The following PRKN variants were observed in gnomAD, a reference collection of about 807,000 sequenced individuals.
The protein encoded by PRKN is E3 ubiquitin-protein ligase parkin.
A neutral mutation model predicts 59.5 loss-of-function variants in PRKN; 56 were observed. The ratio of observed to expected loss-of-function variants is 0.94; its 90% CI spans 0.76 to 1.18. The LOEUF (loss-of-function observed/expected upper bound fraction) is 1.18, where lower values mean the gene tolerates loss of function less well. Ranked by LOEUF, PRKN falls within the 50% of genes most tolerant of loss-of-function variation. PRKN has a pLI of 0.00. For synonymous variants in PRKN, 250 were observed against 222.1 expected (o/e 1.13, Z -1.12); for missense variants, 657 against 596.4 (o/e 1.10, Z -1.06).
At chr6:161,801,504 G>A (rs942056942) in intron 6 of PRKN, among the ~76,000 whole-genome samples, 10 of 152,140 alleles carry the variant, frequency 6.6e-5, no homozygotes, top group South Asian at 2.1e-4. Context: ...ATTTGATTAC[G>A]GGGCTTTAAC....
chr6:162,361,394 T>C (rs1200844897), intron 2 of PRKN, among the ~76,000 whole-genome samples: 1 of 152,046 alleles, frequency 6.6e-6, no homozygotes, highest in Non-Finnish European at 1.5e-5. Flanking sequence ...ATTGGAAAGC[T>C]TGATAAGATG....
At chr6:162,646,071 A>G (rs1023601101) in intron 1 of PRKN, among the ~76,000 whole-genome samples, 4 of 151,408 alleles carry the variant, frequency 2.6e-5, no homozygotes, top group African/African-American at 9.7e-5. Flanking sequence ...AGACGGTTTC[A>G]CCGTGTTAGC....
At chr6:161,757,943 G>GTATA (rs1261358549) in intron 7 of PRKN, among the ~76,000 whole-genome samples, 1 of 96,180 alleles carries the variant, frequency 1.0e-5, no homozygotes, top group African/African-American at 3.9e-5. Flanking sequence ...GTATATATAT[G>GTATA]TATATATATA....
At chr6:161,712,583 GT>G (rs574932500) in intron 7 of PRKN, among the ~76,000 whole-genome samples, 76 of 152,090 alleles carry the variant, frequency 5.0e-4, no homozygotes, top group African/African-American at 1.5e-3. Context: ...TCTAAAATTT[GT>G]TTTTATTTTG....
chr6:161,683,433 G>A (rs1785444086), intron 7 of PRKN, among the ~76,000 whole-genome samples: 1 of 152,242 alleles, frequency 6.6e-6, no homozygotes, highest in South Asian at 2.1e-4. Context: ...AGTGGCAAGA[G>A]CTAGGCATCT....
intron 6 of PRKN, among the ~76,000 whole-genome samples, chr6:161,961,889 A>G (rs920869567): frequency 2.6e-5 from 4 of 152,176 alleles, no homozygotes; most frequent in East Asian, 3.8e-4. Context: ...GAATGCTGGT[A>G]TATCTGTGTA....
At chr6:161,621,007 C>G (rs1350410034) in intron 7 of PRKN, among the ~76,000 whole-genome samples, 2 of 152,108 alleles carry the variant, frequency 1.3e-5, no homozygotes, top group African/African-American at 2.4e-5. Flanking sequence ...TCCTGTCCAC[C>G]TTTATGTTCG....
chr6:161,652,378 C>A (rs1017452444), intron 7 of PRKN, among the ~76,000 whole-genome samples: 1 of 151,730 alleles, frequency 6.6e-6, no homozygotes, highest in African/African-American at 2.4e-5. Context: ...ATTTAAAGCC[C>A]TTGTGGGGAA....
At chr6:162,035,553 C>A (rs1003887660) in intron 5 of PRKN, among the ~76,000 whole-genome samples, 1 of 152,118 alleles carries the variant, frequency 6.6e-6, no homozygotes, top group Non-Finnish European at 1.5e-5. Flanking sequence ...TATTTTCAAA[C>A]TTCATAAAAA....
At chr6:161,437,392 C>T (rs1453845318) in intron 9 of PRKN, among the ~76,000 whole-genome samples, 1 of 152,172 alleles carries the variant, frequency 6.6e-6, no homozygotes, top group East Asian at 1.9e-4. Context: ...CAACTCAGAA[C>T]AGTGAGCAAT....
At chr6:162,682,129 A>C (rs1481460300) in intron 1 of PRKN, among the ~76,000 whole-genome samples, 1 of 152,142 alleles carries the variant, frequency 6.6e-6, no homozygotes, top group Non-Finnish European at 1.5e-5. Context: ...AGATTTTCAA[A>C]AACAATCCTA....
chr6:162,677,122 A>C (rs922227778), intron 1 of PRKN, among the ~76,000 whole-genome samples: 16 of 151,880 alleles, frequency 1.1e-4, no homozygotes. Flanking sequence ...AAATGCTGGA[A>C]AAAAAACACT....
At chr6:161,812,338 C>T (rs1396822716) in intron 6 of PRKN, among the ~76,000 whole-genome samples, 1 of 152,054 alleles carries the variant, frequency 6.6e-6, no homozygotes, top group Non-Finnish European at 1.5e-5. Flanking sequence ...TTTGAGGCTG[C>T]AGATTACGGC....
chr6:161,948,375 AAT>A (rs1779860310), intron 6 of PRKN, among the ~76,000 whole-genome samples: 1 of 152,194 alleles, frequency 6.6e-6, no homozygotes, highest in Non-Finnish European at 1.5e-5. Context: ...ATAGTTACTG[AAT>A]ACCTACCTGC....
chr6:162,238,251 G>A (rs1778826225), intron 3 of PRKN, among the ~76,000 whole-genome samples: 1 of 152,072 alleles, frequency 6.6e-6, no homozygotes, highest in African/African-American at 2.4e-5. Context: ...TGTTACAGTT[G>A]CCTGCAGTAT....
intron 1 of PRKN, among the ~76,000 whole-genome samples, chr6:162,513,175 A>C (rs889487122): frequency 6.6e-6 from 1 of 152,116 alleles, no homozygotes; most frequent in Admixed American, 6.6e-5. Flanking sequence ...GACCAAGGCA[A>C]GGAGACAAAA....
At chr6:161,464,522 G>A (rs1790359935) in intron 9 of PRKN, among the ~76,000 whole-genome samples, 1 of 152,092 alleles carries the variant, frequency 6.6e-6, no homozygotes, top group South Asian at 2.1e-4. Flanking sequence ...ACTACAATCA[G>A]GATGTATTTT....
intron 6 of PRKN, among the ~76,000 whole-genome samples, chr6:161,869,794 A>G (rs1305741673): frequency 6.6e-6 from 1 of 152,158 alleles, no homozygotes; most frequent in Non-Finnish European, 1.5e-5. Context: ...AGGGCAGACC[A>G]CAGTTCTGCC....
intron 2 of PRKN, among the ~76,000 whole-genome samples, chr6:162,329,567 T>A (rs1439042410): frequency 1.3e-5 from 2 of 152,118 alleles, no homozygotes; most frequent in Admixed American, 6.5e-5. Flanking sequence ...TGCAGTACAT[T>A]AATTTTATGC....
Sources: allele counts gnomAD v4.1 joint callset (sites outside exome capture counted in the v4.1 genomes callset), GRCh38; gene constraint gnomAD v4.1.1; transcripts MANE v1.5; gene names NCBI Gene and HGNC (gene_info 2026-07-23, HGNC 2026-07-21).